Variants in DPYD observed in about 807,000 individuals in gnomAD.
DPYD encodes dihydropyrimidine dehydrogenase [NADP(+)].
Under a neutral mutation model 116.2 loss-of-function variants are expected in DPYD, and 109 were observed. That is an observed-to-expected ratio of 0.94 (90% CI 0.80 to 1.10). The LOEUF is 1.10. Ranked by LOEUF, DPYD falls within the 50% of genes least tolerant of loss-of-function variation. The pLI, the probability that DPYD is intolerant of heterozygous loss-of-function variation, is 0.00. For synonymous variants in DPYD, 440 were observed against 432.0 expected, an observed-to-expected ratio of 1.02 and a Z score of -0.23; for missense variants, 1,302 against 1,254.5, an observed-to-expected ratio of 1.04 and a Z score of -0.57.
At chr1:97,697,968 AC>A (rs1248375512) in intron 6 of DPYD, among the ~76,000 whole-genome samples, 29 of 152,190 alleles carry the variant, frequency 1.9e-4, no homozygotes, top group African/African-American at 6.5e-4. Flanking sequence ...ATAACTGAAA[AC>A]AACATACAAT....
intron 14 of DPYD, among the ~76,000 whole-genome samples, chr1:97,388,980 A>C (rs553928832): frequency 1.2e-4 from 19 of 152,206 alleles, no homozygotes; most frequent in African/African-American, 4.6e-4. Flanking sequence ...AGAGAAACAA[A>C]TAAGTATGGA....
chr1:97,224,358 C>T (rs934162532), intron 19 of DPYD, among the ~76,000 whole-genome samples: 1 of 151,984 alleles, frequency 6.6e-6, no homozygotes, highest in Non-Finnish European at 1.5e-5. Context: ...TTTTTATATT[C>T]AGGATTCATT....
intron 3 of DPYD, among the ~76,000 whole-genome samples, chr1:97,744,334 C>T (rs375108498): frequency 3.5e-4 from 53 of 152,070 alleles, no homozygotes; most frequent in African/African-American, 1.2e-3. Flanking sequence ...GAACAGATGC[C>T]TGCTTCTTTT....
In DPYD at chr1:97,098,548, C is replaced by T. The variant is rs757695236; in HGVS notation, c.2707G>A (p.Ala903Thr). 6.2e-7 allele frequency: 1 copy of T among 1,613,166 alleles called. No individual in the cohort carries two copies. The highest frequency in any genetic ancestry group is 8.5e-7 in the Non-Finnish European group (1 of 1,179,470). ...NKIRLKEQNV[A>T]FSPLKRNCFI... Reference sequence around the variant, plus strand: ...CAGTTTCTCTTAAGTGGTGAAAAAGCTACATTTTGTTCTTTCAGTCTAATC... The same window carrying T: ...CAGTTTCTCTTAAGTGGTGAAAAAGTTACATTTTGTTCTTTCAGTCTAATC... The change falls in exon 21 of 23, where the codon GCT (alanine) becomes ACT (threonine). Residue 903 changes from alanine to threonine, a missense_variant. By Grantham distance (58) the Ala-to-Thr change is moderately conservative. Coordinates refer to ENST00000370192, the MANE Select transcript of DPYD (RefSeq NM_000110.4).
At chr1:97,861,715 A>G (rs966757821) in intron 2 of DPYD, among the ~76,000 whole-genome samples, 4 of 152,004 alleles carry the variant, frequency 2.6e-5, no homozygotes, top group African/African-American at 9.7e-5. Flanking sequence ...AAGTCAAATT[A>G]TGAATGTATT....
intron 8 of DPYD, among the ~76,000 whole-genome samples, chr1:97,609,594 C>A (rs998443661): frequency 1.3e-5 from 2 of 151,910 alleles, no homozygotes; most frequent in Non-Finnish European, 2.9e-5. Flanking sequence ...AGGTTCAAGG[C>A]AGTAAAAAAA....
intron 16 of DPYD, among the ~76,000 whole-genome samples, chr1:97,361,603 AC>A (rs1421854276): frequency 6.6e-6 from 1 of 152,208 alleles, no homozygotes; most frequent in East Asian, 1.9e-4. Flanking sequence ...AAGCTTATCC[AC>A]CACGATCAAG....
intron 14 of DPYD, among the ~76,000 whole-genome samples, chr1:97,409,285 T>G (rs981552335): frequency 5.3e-5 from 8 of 152,196 alleles, no homozygotes; most frequent in African/African-American, 1.9e-4. Flanking sequence ...TTTGCTCTCA[T>G]TAACTATGAT....
In DPYD at chr1:97,393,439, C is replaced by G. The variant is rs986181618; in HGVS notation, c.1906-10978G>C. Among the ~76,000 whole-genome samples, 25 of 151,798 alleles carry G rather than the reference C, an allele frequency of 1.6e-4. 1 individual carries two copies. Among genetic ancestry groups the G allele is most frequent in the African/African-American group, 6.1e-4 (25 of 41,296 alleles). ...GGTATATCTCCTAATGCTATCCCTC[C>G]CCACTCCCCCCACCCCACAACAGGC... On this transcript the variant is annotated intron_variant, in intron 14 of 22. Transcript: ENST00000370192.
chr1:97,252,757 A>G (rs1484676304), intron 18 of DPYD, among the ~76,000 whole-genome samples: 7 of 152,194 alleles, frequency 4.6e-5, no homozygotes, highest in East Asian at 1.9e-4. Flanking sequence ...TTTCAAGTAT[A>G]TTTGCAATCC....
intron 1 of DPYD, among the ~76,000 whole-genome samples, chr1:97,889,465 GCCC>G (rs1478963636): frequency 6.6e-6 from 1 of 152,092 alleles, no homozygotes; most frequent in East Asian, 1.9e-4. Flanking sequence ...AAGCTGCAGT[GCCC>G]ATACTAATAT....
intron 20 of DPYD, among the ~76,000 whole-genome samples, chr1:97,180,052 G>A (rs948128289): frequency 6.6e-6 from 1 of 151,940 alleles, no homozygotes; most frequent in African/African-American, 2.4e-5. Context: ...TTTTGGTAAC[G>A]CTGTTCAATA....
At chr1:97,619,325 C>T (rs1656493705) in intron 8 of DPYD, among the ~76,000 whole-genome samples, 1 of 152,148 alleles carries the variant, frequency 6.6e-6, no homozygotes, top group African/African-American at 2.4e-5. Context: ...AACCTGACAA[C>T]TACTAGCTTA....
At chr1:97,811,963 G>C (rs528524391) in intron 3 of DPYD, among the ~76,000 whole-genome samples, 1 of 152,234 alleles carries the variant, frequency 6.6e-6, no homozygotes, top group East Asian at 1.9e-4. Flanking sequence ...GGAAATTTTA[G>C]AAAACAATAC....
intron 16 of DPYD, among the ~76,000 whole-genome samples, chr1:97,373,131 T>C (rs1233130874): frequency 6.6e-6 from 1 of 152,222 alleles, no homozygotes; most frequent in African/African-American, 2.4e-5. Context: ...TAGTGAATAA[T>C]GATCGTATGC....
chr1:97,774,340 C>T (rs1458624828), intron 3 of DPYD, among the ~76,000 whole-genome samples: 4 of 152,288 alleles, frequency 2.6e-5, no homozygotes, highest in Middle Eastern at 3.4e-3. Context: ...ACCACCCTAA[C>T]CAGGCTGGTT....
At chr1:97,083,343 C>A (rs1649297255) in intron 21 of DPYD, among the ~76,000 whole-genome samples, 1 of 152,050 alleles carries the variant, frequency 6.6e-6, no homozygotes, top group South Asian at 2.1e-4. Context: ...GGAGGTTTGA[C>A]TCTTAGTTAA....
chr1:97,506,417 G>T (rs1359012952), intron 13 of DPYD, among the ~76,000 whole-genome samples: 1 of 151,764 alleles, frequency 6.6e-6, no homozygotes, highest in Non-Finnish European at 1.5e-5. Flanking sequence ...ATTCACAGAA[G>T]AATTATGTGA....
intron 3 of DPYD, among the ~76,000 whole-genome samples, chr1:97,800,729 T>C (rs369369407): frequency 1.3e-5 from 2 of 151,924 alleles, no homozygotes; most frequent in East Asian, 3.9e-4. Flanking sequence ...CTGTCTGTTA[T>C]CATGATGCTG....
Sources: allele counts gnomAD v4.1 joint callset (sites outside exome capture counted in the v4.1 genomes callset), GRCh38; gene constraint gnomAD v4.1.1; transcripts MANE v1.5; gene names NCBI Gene and HGNC (gene_info 2026-07-23, HGNC 2026-07-21).